The following MAPK8IP3 variants were observed in gnomAD, a reference collection of about 807,000 sequenced individuals.
The protein encoded by MAPK8IP3 is mitogen-activated protein kinase 8 interacting protein 3.
In MAPK8IP3, 49 loss-of-function variants were observed where a neutral mutation model predicts 157.8. The observed-to-expected ratio is 0.31, with a 90% CI of 0.25 to 0.39. MAPK8IP3 has a LOEUF of 0.39. MAPK8IP3 is among the 10% of genes least tolerant of loss of function. The pLI is 1.00. For missense variants in MAPK8IP3, 1,478 were observed against 1,889.4 expected (o/e 0.78, Z 4.04); for synonymous variants, 897 against 777.7 (o/e 1.15, Z -2.55).
At chr16:1,760,903 A>G (rs2041896457) in intron 12 of MAPK8IP3, among the ~76,000 whole-genome samples, 2 of 152,190 alleles carry the variant, frequency 1.3e-5, no homozygotes, top group Non-Finnish European at 2.9e-5. Context: ...CCTCTGCCTA[A>G]GAAGGGACCC....
rs1490226499 is a variant in MAPK8IP3 at position 1,742,434 on chromosome 16, C to T, written c.603-898C>T. 6.6e-6 allele frequency among the ~76,000 whole-genome samples: 1 copy of T among 152,184 alleles called. No individual in the cohort carries two copies. Among genetic ancestry groups the T allele is most frequent in the African/African-American group, 2.4e-5 (1 of 41,442 alleles). On this transcript the variant is annotated intron_variant, in intron 4 of 31. Transcript: ENST00000610761. The surrounding 1 kb of genome is among the most constrained non-coding windows in gnomAD (Gnocchi z 5.0). ...CCAGGGTCCGTCTTCAGGTTCGGGG[C>T]TCCCTGACAGCAGAGAGGACACGTG...
At chr16:1,763,324 A>G (rs2141934264) in intron 16 of MAPK8IP3, among the ~76,000 whole-genome samples, 1 of 152,352 alleles carries the variant, frequency 6.6e-6, no homozygotes, top group Admixed American at 6.5e-5. Context: ...TCCAGCAGGG[A>G]GTCGCTGGTC....
intron 11 of MAPK8IP3, 100 bp from the exon 12 acceptor site, chr16:1,760,280 G>A: frequency 1.4e-6 from 2 of 1,459,134 alleles, no homozygotes; most frequent in Non-Finnish European, 1.9e-6. Context: ...TAACCAGGCT[G>A]TGCCTTCTCC....
At chr16:1,728,400 C>A (rs893561880) in intron 2 of MAPK8IP3, among the ~76,000 whole-genome samples, 2 of 152,240 alleles carry the variant, frequency 1.3e-5, no homozygotes, top group Non-Finnish European at 2.9e-5. Context: ...AATCCCGCCT[C>A]CTCCCGCAAG....
intron 1 of MAPK8IP3, among the ~76,000 whole-genome samples, chr16:1,712,062 T>TTC: frequency 8.8e-6 from 1 of 113,844 alleles, no homozygotes; most frequent in Admixed American, 8.1e-5. Flanking sequence ...TTTTTTTTTT[T>TTC]TTTTTTTTTT....
intron 8 of MAPK8IP3, among the ~76,000 whole-genome samples, chr16:1,755,712 T>C (rs558895946): frequency 6.6e-6 from 1 of 151,986 alleles, no homozygotes; most frequent in East Asian, 1.9e-4. Context: ...CTGGGCCTGG[T>C]GACACATGCC....
At chr16:1,733,234 C>T (rs1453220744) in intron 4 of MAPK8IP3, among the ~76,000 whole-genome samples, 3 of 152,040 alleles carry the variant, frequency 2.0e-5, no homozygotes, top group South Asian at 2.1e-4. Context: ...TGTCGGAGGG[C>T]GCCTGGGCAG....
Position 1,741,242 on chromosome 16 carries a change from C to T in MAPK8IP3, c.603-2090C>T, listed in dbSNP as rs775114837. Among the ~76,000 whole-genome samples, 5 of 152,278 alleles carry T rather than the reference C, an allele frequency of 3.3e-5. No individual in the cohort carries two copies. Among genetic ancestry groups the T allele is most frequent in the Admixed American group, 6.5e-5 (1 of 15,306 alleles). On this transcript the variant is annotated intron_variant, in intron 4 of 31. Coordinates refer to ENST00000610761, the MANE Select transcript of MAPK8IP3 (RefSeq NM_001318852.2). This position sits in a 1 kb window ranked among gnomAD's most constrained non-coding sequence, Gnocchi z 6.9. ...TCTCTGAACTAGGGAGCATCTGCAT[C>T]CCCTGAGGGAGCTGCGAGGACAAAT...
In MAPK8IP3 at chr16:1,731,201, T is replaced by C. The variant is rs2039295987; in HGVS notation, c.602+1623T>C. Among the ~76,000 whole-genome samples, 4 of 152,036 alleles carry C rather than the reference T, an allele frequency of 2.6e-5. No individual in the cohort carries two copies. The South Asian group carries it at 8.3e-4, about 32-fold the overall frequency. The stretch of plus-strand genomic sequence containing the variant: ...CAAAATTAGCCAGTGTGATGGTGCA[T>C]GCCTGTGGTCCCAGCTACTCTGGAG... On this transcript the variant is annotated intron_variant, in intron 4 of 31. Transcript: ENST00000610761.
chr16:1,744,938 T>C (rs1185324447), intron 5 of MAPK8IP3: 2 of 981,040 alleles, frequency 2.0e-6, no homozygotes, highest in Non-Finnish European at 2.4e-6. Flanking sequence ...TGTTGTTTTT[T>C]GTTTTGTTTT....
Position 1,767,204 on chromosome 16 carries a change from C to T in MAPK8IP3, c.3144C>T (p.His1048=), listed in dbSNP as rs976637112. ...YHLMDLGHPH[H]SIRCMAVVYD... ...TAATGGACCTGGGCCACCCGCACCA[C>T]TCCATCCGCTGCATGGCTGTTGTGT... The change falls in exon 26 of 32, where the codon CAC becomes CAT. Residue 1048 remains histidine, a synonymous_variant. Coordinates refer to ENST00000610761, the MANE Select transcript of MAPK8IP3 (RefSeq NM_001318852.2). The T allele has an allele frequency of 6.2e-7, 1 of 1,613,434 alleles. No individual in the cohort carries two copies. The highest frequency in any genetic ancestry group is 8.5e-7 in the Non-Finnish European group (1 of 1,180,022).
At chr16:1,737,341 CGTGACCGTCCGTGAGT>C in intron 4 of MAPK8IP3, among the ~76,000 whole-genome samples, 1 of 66,518 alleles carries the variant, frequency 1.5e-5, no homozygotes, top group African/African-American at 7.1e-5. Context: ...TCCGTGTGAG[CGTGACCGTCCGTGAGT>C]GTGTGACCGT....
Position 1,724,381 on chromosome 16 carries a change from G to A in MAPK8IP3, c.319-176G>A, listed in dbSNP as rs1424398488. 1.3e-5 allele frequency among the ~76,000 whole-genome samples: 2 copies of A among 152,248 alleles called. No individual in the cohort carries two copies. The highest frequency in any genetic ancestry group is 4.8e-5 in the African/African-American group (2 of 41,474). ...TGGCTCCTCACTGTGCCTGAGGAGG[G>A]TGGTGGCCACAGCCACGTGGCGGGA... is the stretch of plus-strand genomic sequence containing the variant. On this transcript the variant is annotated intron_variant, in intron 1 of 31. Coordinates refer to ENST00000610761, the MANE Select transcript of MAPK8IP3 (RefSeq NM_001318852.2). The surrounding 1 kb of genome is among the most constrained non-coding windows in gnomAD (Gnocchi z 4.1).
intron 1 of MAPK8IP3, among the ~76,000 whole-genome samples, chr16:1,711,942 CA>C (rs751305952): frequency 2.3e-3 from 123 of 52,512 alleles, no homozygotes; most frequent in Middle Eastern, 0.011. Context: ...GACTCCGTCT[CA>C]AAAAAAAAAA....
chr16:1,739,620 GTC>G (rs2040487298), intron 4 of MAPK8IP3, among the ~76,000 whole-genome samples: 2 of 135,352 alleles, frequency 1.5e-5, no homozygotes, highest in African/African-American at 2.8e-5. Flanking sequence ...CCGTGTGACC[GTC>G]CGTGTGAGCT....
intron 8 of MAPK8IP3, chr16:1,752,270 C>T (rs1041972285): frequency 5.8e-5 from 10 of 173,252 alleles, no homozygotes; most frequent in Admixed American, 1.3e-4. Context: ...GTGCGCTCCA[C>T]GATGAGGCTG....
At chr16:1,746,902 G>T in intron 5 of MAPK8IP3, 127 bp from the exon 6 acceptor site, 2 of 1,196,512 alleles carry the variant, frequency 1.7e-6, no homozygotes. Context: ...AGGAGCTCTG[G>T]CCCGCAGGGT....
intron 20 of MAPK8IP3, 145 bp downstream of exon 20, chr16:1,765,323 C>G (rs2042194840): frequency 9.6e-7 from 1 of 1,045,152 alleles, no homozygotes; most frequent in Non-Finnish European, 1.3e-6. Context: ...AGGGGCAGCA[C>G]CCAGTCAAGT....
At chr16:1,748,908 A>T (rs763016553) in intron 8 of MAPK8IP3, 188 bp downstream of exon 8, 1 of 735,016 alleles carries the variant, frequency 1.4e-6, no homozygotes, top group South Asian at 1.4e-5. Flanking sequence ...TGGTTTCTGG[A>T]CTGCCCCAAG....
Sources: allele counts gnomAD v4.1 joint callset (sites outside exome capture counted in the v4.1 genomes callset), GRCh38; gene constraint gnomAD v4.1.1; non-coding constraint Gnocchi (gnomAD v3.1); transcripts MANE v1.5; gene names NCBI Gene and HGNC (gene_info 2026-07-23, HGNC 2026-07-21).